Variants in LRRTM1 observed in about 807,000 individuals in gnomAD.
LRRTM1 encodes the protein leucine-rich repeat transmembrane neuronal protein 1.
Under a neutral mutation model 37.3 loss-of-function variants are expected in LRRTM1, and 8 were observed. That is an observed-to-expected ratio of 0.21 (90% CI 0.13 to 0.39). The LOEUF (loss-of-function observed/expected upper bound fraction) is 0.39, where lower values mean the gene tolerates loss of function less well. Ranked by LOEUF, LRRTM1 falls within the 10% of genes least tolerant of loss-of-function variation. The pLI is 1.00. For synonymous variants in LRRTM1, 326 were observed against 316.8 expected (o/e 1.03, Z -0.31); for missense variants, 557 against 691.0 (o/e 0.81, Z 2.17).
downstream of LRRTM1, among the ~76,000 whole-genome samples, chr2:80,300,577 GT>G (rs558571162): frequency 6.6e-6 from 1 of 151,818 alleles, no homozygotes; most frequent in South Asian, 2.1e-4. Flanking sequence ...GTAGTGTGTG[GT>G]TCCCCATCCC....
At chr2:80,299,024 C>T (rs1319231251), downstream of LRRTM1, 1 of 151,984 alleles carries the variant, frequency 6.6e-6, no homozygotes, top group South Asian at 2.1e-4. Flanking sequence ...TATAAATATT[C>T]GAAAAACCTC....
downstream of LRRTM1, among the ~76,000 whole-genome samples, chr2:80,297,046 C>A (rs1675809511): frequency 2.0e-5 from 3 of 152,148 alleles, no homozygotes. Context: ...ATGTACTGGC[C>A]ATTTCTTCTC....
rs1218816708 is a variant in LRRTM1 at position 80,304,531 on chromosome 2, C to G, written c.-439G>C. 6.5e-6 allele frequency: 1 copy of G among 153,290 alleles called. No individual in the cohort carries two copies. The highest frequency in any genetic ancestry group is 1.5e-5 in the Non-Finnish European group (1 of 68,076). 9.5% of individuals were successfully genotyped at this position (153,290 alleles called of 1,614,324 possible). A position where few individuals can be genotyped will look rare whatever the true frequency, so the allele number is the denominator to read the frequency against. On this transcript the variant is annotated 5_prime_UTR_variant, in exon 1 of 2. Transcript: ENST00000295057. ...TCCGTCATTGGAAACGACCACTGAC[C>G]GGCGCCACCTTTTACTCCGCGGAAA...
chr2:80,303,998 C>T lies in LRRTM1; in HGVS notation c.-59-120G>A. The T allele has an allele frequency of 1.6e-6, 1 of 625,016 alleles. No individual in the cohort carries two copies. The highest frequency in any genetic ancestry group is 2.5e-6 in the Non-Finnish European group (1 of 393,120). The allele number at this position is 625,016 out of a possible 1,614,324, so 38.7% of individuals were successfully genotyped here. A position where few individuals can be genotyped will look rare whatever the true frequency, so the allele number is the denominator to read the frequency against. Reference sequence around the variant, plus strand: ...CTCCCCAAAAACCACACGTTCACCTCTAAGCATGCAGAAAGCTGGGCAGCA... The same window carrying T: ...CTCCCCAAAAACCACACGTTCACCTTTAAGCATGCAGAAAGCTGGGCAGCA... On this transcript the variant is annotated intron_variant, in intron 1 of 1. Coordinates refer to ENST00000295057, the MANE Select transcript of LRRTM1 (RefSeq NM_178839.5). This position sits in a 1 kb window ranked among gnomAD's most constrained non-coding sequence, Gnocchi z 7.7.
Position 80,302,058 on chromosome 2 carries a change from T to A in LRRTM1, c.*193A>T. On this transcript the variant is annotated 3_prime_UTR_variant, in exon 2 of 2. Transcript: ENST00000295057. This position sits in a 1 kb window ranked among gnomAD's most constrained non-coding sequence, Gnocchi z 6.4. ...AAGGTTGTGGGGTGGGGTTTTTTGT[T>A]GTGTTTTAATTCGCTTTTGTTTTTA... 1.4e-6 allele frequency: 1 copy of A among 696,004 alleles called. No individual in the cohort carries two copies. The highest frequency in any genetic ancestry group is 1.8e-5 in the African/African-American group (1 of 55,948). 43.1% of individuals were successfully genotyped at this position (696,004 alleles called of 1,614,324 possible). A position where few individuals can be genotyped will look rare whatever the true frequency, so the allele number is the denominator to read the frequency against.
At chr2:80,288,968 A>G (rs1326923828) in exon 3 of LRRTM1, 1 of 152,162 alleles carries the variant, frequency 6.6e-6, no homozygotes, top group South Asian at 2.1e-4. Context: ...GCCGACAGAT[A>G]TGGGACCACA....
At position 80,302,739 on chromosome 2, in the gene LRRTM1, G is replaced by T. The variant is rs369570241; in HGVS notation, c.1081C>A (p.His361Asn). The change falls in exon 2 of 2, where the codon CAC (histidine) becomes AAC (asparagine). Residue 361 changes from histidine to asparagine, a missense_variant. By Grantham distance (68) the His-to-Asn change is moderately conservative (BLOSUM62 1). Transcript: ENST00000295057. This position sits in a 1 kb window ranked among gnomAD's most constrained non-coding sequence, Gnocchi z 6.4. Reference sequence around the variant, plus strand: ...GGCTCGGCCCCATCCTCGCACAGGTGGAAGGCGTACACGGCGTCCAGGACG... The same window carrying T: ...GGCTCGGCCCCATCCTCGCACAGGTTGAAGGCGTACACGGCGTCCAGGACG... ...EDVLDAVYAF[H>N]LCEDGAEPTS... 1 of 1,613,062 alleles carries T rather than the reference G, an allele frequency of 6.2e-7. No homozygotes were observed. The highest frequency in any genetic ancestry group is 1.3e-5 in the African/African-American group (1 of 74,940).
At position 80,303,432 on chromosome 2, in the gene LRRTM1, T is replaced by G; in HGVS notation, c.388A>C (p.Asn130His). The G allele has an allele frequency of 6.2e-7, 1 of 1,614,176 alleles. No individual in the cohort carries two copies. Among genetic ancestry groups the G allele is most frequent in the Non-Finnish European group, 8.5e-7 (1 of 1,180,024 alleles). The change falls in exon 2 of 2, where the codon AAC (asparagine) becomes CAC (histidine). Residue 130 changes from asparagine (N) to histidine (H), a missense_variant. Physicochemically the swap from Asn to His is moderately conservative, Grantham distance 68. Around this residue, in one of 5 missense-constraint regions of LRRTM1, gnomAD observed 38 missense variants for 72.9 expected, o/e 0.52. Coordinates refer to ENST00000295057, the MANE Select transcript of LRRTM1 (RefSeq NM_178839.5). This position sits in a 1 kb window ranked among gnomAD's most constrained non-coding sequence, Gnocchi z 7.7. ...LSSNQITQLP[N>H]TTFRPMPNLR... ...TTGGGCATGGGCCGGAAGGTGGTGT[T>G]GGGCAGTTGGGTGATCTGGTTGGAA...
intron 2 of LRRTM1, among the ~76,000 whole-genome samples, chr2:80,290,842 G>GA (rs1270259854): frequency 6.6e-6 from 1 of 151,878 alleles, no homozygotes; most frequent in African/African-American, 2.4e-5. Flanking sequence ...GGGAGGGAAA[G>GA]AAAAAATGAA....
chr2:80,291,775 AGCTG>A (rs1161101689), intron 2 of LRRTM1, among the ~76,000 whole-genome samples: 1 of 152,224 alleles, frequency 6.6e-6, no homozygotes, highest in Non-Finnish European at 1.5e-5. Flanking sequence ...AGGCCCTTGT[AGCTG>A]GCTGCTAGCC....
downstream of LRRTM1, among the ~76,000 whole-genome samples, chr2:80,300,172 A>G (rs1342285428): frequency 6.6e-6 from 1 of 151,986 alleles, no homozygotes; most frequent in Non-Finnish European, 1.5e-5. Context: ...TAGAACACTA[A>G]TAGTCTGAAT....
chr2:80,294,594 C>G (rs149149864), intron 2 of LRRTM1, among the ~76,000 whole-genome samples: 1 of 152,142 alleles, frequency 6.6e-6, no homozygotes, highest in Non-Finnish European at 1.5e-5. Flanking sequence ...TAGCTCAGTG[C>G]TTCTCAGCCT....
At chr2:80,300,280 G>GT (rs1328813358), downstream of LRRTM1, among the ~76,000 whole-genome samples, 558 of 42,414 alleles carry the variant, frequency 0.013, 5 homozygotes, top group African/African-American at 0.02. Flanking sequence ...TGGGGTGTTG[G>GT]GGTGTGTGTG....
At chr2:80,288,981 A>T (rs1675005592) in exon 3 of LRRTM1, 1 of 152,176 alleles carries the variant, frequency 6.6e-6, no homozygotes, top group South Asian at 2.1e-4. Flanking sequence ...GGACCACAGT[A>T]GTAGCCTTTG....
downstream of LRRTM1, chr2:80,298,850 T>A (rs1656221295): frequency 6.6e-6 from 1 of 152,194 alleles, no homozygotes; most frequent in South Asian, 2.1e-4. Context: ...TCTCAACTAT[T>A]AATATCAAGG....
chr2:80,295,860 C>A (rs1013225876), intron 2 of LRRTM1, among the ~76,000 whole-genome samples: 1 of 152,156 alleles, frequency 6.6e-6, no homozygotes, highest in African/African-American at 2.4e-5. Context: ...TAAGTGAATT[C>A]TCTAGTTCCT....
chr2:80,303,750 G>A lies in LRRTM1; in HGVS notation c.70C>T (p.Leu24=), dbSNP rs776178703. 3.4e-5 allele frequency: 54 copies of A among 1,592,564 alleles called. No individual in the cohort carries two copies. Among genetic ancestry groups the A allele is most frequent in the Non-Finnish European group, 4.2e-5 (49 of 1,170,100 alleles). ...LRRPSGVVLC[L]LGACFQMLPA... ...AGCATCTGAAAGCAGGCCCCCAGCA[G>A]ACACAAGACCACCCCCGAGGGCCTC... The change falls in exon 2 of 2, where the codon CTG becomes TTG. Residue 24 remains leucine, a synonymous_variant. Coordinates refer to ENST00000295057, the MANE Select transcript of LRRTM1 (RefSeq NM_178839.5). The surrounding 1 kb of genome is among the most constrained non-coding windows in gnomAD (Gnocchi z 7.7).
At chr2:80,297,029 G>A (rs1025037460), downstream of LRRTM1, among the ~76,000 whole-genome samples, 7 of 152,038 alleles carry the variant, frequency 4.6e-5, no homozygotes, top group East Asian at 1.9e-4. Flanking sequence ...TTAAGGGGTC[G>A]GACTGAATGT....
intron 2 of LRRTM1, among the ~76,000 whole-genome samples, chr2:80,290,387 A>C (rs1480063733): frequency 6.6e-6 from 1 of 151,854 alleles, no homozygotes; most frequent in Non-Finnish European, 1.5e-5. Context: ...TGACCTTCTC[A>C]TTTCTTCCCC....
Sources: allele counts gnomAD v4.1 joint callset (sites outside exome capture counted in the v4.1 genomes callset), GRCh38; gene constraint gnomAD v4.1.1; regional missense constraint gnomAD v4.1.1; non-coding constraint Gnocchi (gnomAD v3.1); transcripts MANE v1.5; gene names NCBI Gene and HGNC (gene_info 2026-07-23, HGNC 2026-07-21).